Variants in IL1RL2 observed in about 807,000 individuals in gnomAD.
The protein encoded by IL1RL2 is interleukin 1 receptor like 2.
IL1RL2 carries 68 observed loss-of-function variants against 66.8 expected under a neutral mutation model. The observed-to-expected ratio is 1.02, with a 90% CI of 0.84 to 1.25. The LOEUF is 1.25. Ranked by LOEUF, IL1RL2 falls within the 50% of genes most tolerant of loss-of-function variation. The pLI is 0.00. For missense variants in IL1RL2, 729 were observed against 709.3 expected (o/e 1.03, Z -0.32); for synonymous variants, 305 against 264.6 (o/e 1.15, Z -1.48).
At chr2:102,187,000 A>G (rs1686735068), upstream of IL1RL2, 1 of 1,289,116 alleles carries the variant, frequency 7.8e-7, no homozygotes. Context: ...GGAAATACCT[A>G]GGCATGGAAG....
rs367780253 is a variant in IL1RL2, at chr2:102,233,172, G to A, written c.1297+48G>A. On this transcript the variant is annotated intron_variant, in intron 10 of 11. Coordinates refer to ENST00000264257, the MANE Select transcript of IL1RL2 (RefSeq NM_003854.4). ...AAATAACAAATAAAAGAAGGAAAGC[G>A]ACCCCTCTGTTCCTCCACTTTACTA... The A allele has an allele frequency of 3.9e-5, 60 of 1,546,444 alleles. No individual in the cohort carries two copies. The South Asian group carries it at 5.3e-4, about 14-fold the overall frequency.
At chr2:102,187,763 G>A in intron 1 of IL1RL2, 93 bp from the exon 2 acceptor site, 2 of 1,054,336 alleles carry the variant, frequency 1.9e-6, no homozygotes, top group Non-Finnish European at 3.0e-6. Context: ...CGGCCTGGGC[G>A]GTTGTCTTTG....
chr2:102,216,875 G>A (rs756877548), intron 6 of IL1RL2, among the ~76,000 whole-genome samples: 1 of 152,074 alleles, frequency 6.6e-6, no homozygotes, highest in Non-Finnish European at 1.5e-5. Context: ...CCCCCTAACA[G>A]TTTATACTTT....
chr2:102,192,195 A>AT (rs56944556), intron 4 of IL1RL2, 75 bp downstream of exon 4: 2 of 1,020,832 alleles, frequency 2.0e-6, no homozygotes, highest in African/African-American at 1.7e-5. Flanking sequence ...GTTAAGTTGT[A>AT]TTTTTTAAGG....
Position 102,239,588 on chromosome 2 carries a change from T to A in IL1RL2, c.*347T>A. On this transcript the variant is annotated 3_prime_UTR_variant, in exon 12 of 12. Transcript: ENST00000264257. ...TGGGTGAGATCTGGGGGTATCCCTGTGTCATGGTGGGTGAGGGCGGGTGGT... is the reference window on the plus strand; with the variant it reads ...TGGGTGAGATCTGGGGGTATCCCTGAGTCATGGTGGGTGAGGGCGGGTGGT... 1 of 262,868 alleles carries A rather than the reference T, an allele frequency of 3.8e-6. No homozygotes were observed. The highest frequency in any genetic ancestry group is 7.7e-6 in the Non-Finnish European group (1 of 129,362). 16.3% of individuals were successfully genotyped at this position (262,868 alleles called of 1,614,324 possible). A position where few individuals can be genotyped will look rare whatever the true frequency, so the allele number is the denominator to read the frequency against.
intron 4 of IL1RL2, among the ~76,000 whole-genome samples, chr2:102,193,332 A>G (rs1687394897): frequency 1.3e-5 from 2 of 152,240 alleles, no homozygotes; most frequent in Admixed American, 1.3e-4. Flanking sequence ...TGAACAAAGT[A>G]TTCAACTTTG....
At chr2:102,219,847 T>G (rs200955888) in intron 7 of IL1RL2, 34 bp from the exon 8 acceptor site, 6 of 1,570,798 alleles carry the variant, frequency 3.8e-6, no homozygotes, top group Admixed American at 1.7e-5. Flanking sequence ...TAAATCTGAC[T>G]CATGTATTAA....
intron 1 of IL1RL2, 164 bp downstream of exon 1, chr2:102,187,250 C>T: frequency 8.4e-7 from 1 of 1,189,530 alleles, no homozygotes; most frequent in Non-Finnish European, 1.1e-6. Flanking sequence ...GGGGAGCCGA[C>T]TCCGTCTCTG....
chr2:102,188,457 G>A (rs889892824), intron 2 of IL1RL2, among the ~76,000 whole-genome samples: 6 of 151,340 alleles, frequency 4.0e-5, no homozygotes, highest in South Asian at 2.1e-4. Flanking sequence ...GCGCGGTGGC[G>A]GGCGCCTGTA....
At chr2:102,192,640 G>A (rs1383220687) in intron 4 of IL1RL2, among the ~76,000 whole-genome samples, 3 of 152,106 alleles carry the variant, frequency 2.0e-5, no homozygotes, top group Non-Finnish European at 4.4e-5. Flanking sequence ...TCATCTTTCT[G>A]CACTTTGTGT....
chr2:102,227,198 G>A (rs1219652835), intron 9 of IL1RL2, among the ~76,000 whole-genome samples: 1 of 152,198 alleles, frequency 6.6e-6, no homozygotes, highest in Non-Finnish European at 1.5e-5. Flanking sequence ...TGGTGCAGCT[G>A]ATCTGTGTGG....
intron 4 of IL1RL2, among the ~76,000 whole-genome samples, chr2:102,195,637 CT>C (rs1687682159): frequency 3.3e-5 from 1 of 30,354 alleles, no homozygotes; most frequent in African/African-American, 8.2e-5. Context: ...TTCTCTCTCT[CT>C]CTCTCTCTCT....
At chr2:102,208,101 G>T (rs1688852694) in intron 5 of IL1RL2, among the ~76,000 whole-genome samples, 2 of 152,216 alleles carry the variant, frequency 1.3e-5, no homozygotes, top group African/African-American at 4.8e-5. Flanking sequence ...TGCCGCCACT[G>T]TCAGGGGTTG....
chr2:102,211,720 A>G (rs1465056945), intron 5 of IL1RL2, among the ~76,000 whole-genome samples: 1 of 152,218 alleles, frequency 6.6e-6, no homozygotes, highest in Non-Finnish European at 1.5e-5. Flanking sequence ...AGGTAAAACA[A>G]GAGGGTTACT....
At chr2:102,188,999 T>C (rs1686976549) in intron 2 of IL1RL2, 77 bp from the exon 3 acceptor site, 2 of 1,097,884 alleles carry the variant, frequency 1.8e-6, no homozygotes, top group African/African-American at 1.6e-5. Flanking sequence ...TGAAGAGGCA[T>C]TTAAAAAAAC....
chr2:102,206,271 G>A (rs1688692192), intron 5 of IL1RL2, among the ~76,000 whole-genome samples: 1 of 152,010 alleles, frequency 6.6e-6, no homozygotes, highest in Admixed American at 6.5e-5. Context: ...CATTTGAGGA[G>A]GTCATGTTTT....
chr2:102,219,858 T>C, intron 7 of IL1RL2, 23 bp from the exon 8 acceptor site: 5 of 1,588,202 alleles, frequency 3.1e-6, no homozygotes, highest in Non-Finnish European at 4.3e-6. Flanking sequence ...CATGTATTAA[T>C]GACTTACTCT....
chr2:102,209,794 T>A (rs1159882994), intron 5 of IL1RL2, among the ~76,000 whole-genome samples: 1 of 152,054 alleles, frequency 6.6e-6, no homozygotes, highest in African/African-American at 2.4e-5. Context: ...AGGAGGCTGA[T>A]AAAATATCCA....
intron 5 of IL1RL2, among the ~76,000 whole-genome samples, chr2:102,207,543 C>A (rs1688807506): frequency 6.6e-6 from 1 of 152,068 alleles, no homozygotes; most frequent in Non-Finnish European, 1.5e-5. Flanking sequence ...ATCTGGGAGG[C>A]CTGGAACAGG....
Sources: gnomAD v4.1 joint callset for allele counts (sites outside exome capture counted in the v4.1 genomes callset) on GRCh38, gnomAD v4.1.1 for gene constraint, MANE v1.5 for transcripts, NCBI Gene and HGNC (gene_info 2026-07-23, HGNC 2026-07-21) for gene names.